GALC: variants seen among roughly 807,000 people sequenced by gnomAD.
GALC encodes the protein galactosylceramidase, also known as galactocerebrosidase.
GALC carries 77 observed loss-of-function variants against 91.8 expected under a neutral mutation model. That is an observed-to-expected ratio of 0.84 (90% CI 0.70 to 1.01). The LOEUF (loss-of-function observed/expected upper bound fraction) is 1.01. Among genes scored for constraint, GALC ranks in the 50% least tolerant of loss-of-function variants. GALC has a pLI of 0.00. For synonymous variants in GALC, 357 were observed against 306.7 expected (o/e 1.16, Z -1.71); for missense variants, 882 against 855.9 (o/e 1.03, Z -0.38).
intron 8 of GALC, among the ~76,000 whole-genome samples, chr14:87,967,691 GAATC>G (rs1488827587): frequency 2.0e-5 from 3 of 152,092 alleles, no homozygotes; most frequent in Non-Finnish European, 4.4e-5. Flanking sequence ...ATGCCATGAG[GAATC>G]AATCAGACAG....
rs116045454 is a variant in GALC, at chr14:87,966,774, C to T, written c.909-1145G>A. On this transcript the variant is annotated intron_variant, in intron 8 of 16. Coordinates refer to ENST00000261304, the MANE Select transcript of GALC (RefSeq NM_000153.4). ...TCTGACCATTCCATTTCTAAGAATA[C>T]AGCCTAAGAAAATAGTCATGGGCAT... 6.4e-3 allele frequency among the ~76,000 whole-genome samples: 976 copies of T among 152,262 alleles called. 12 individuals carry two copies. The highest frequency in any genetic ancestry group is 0.022 in the African/African-American group (929 of 41,546).
chr14:87,973,051 A>G (rs969818152), intron 7 of GALC, among the ~76,000 whole-genome samples: 4 of 152,162 alleles, frequency 2.6e-5, no homozygotes, highest in Admixed American at 1.3e-4. Context: ...GGAAAAGGAA[A>G]TATCTCTGGA....
chr14:87,945,880 T>C (rs1309907086), intron 13 of GALC, 147 bp from the exon 14 acceptor site: 2 of 635,898 alleles, frequency 3.1e-6, no homozygotes, highest in African/African-American at 3.7e-5. Flanking sequence ...CTAGGTCTAA[T>C]AAAGATACAT....
At position 87,934,751 on chromosome 14, in the gene GALC, A is replaced by G. The variant is rs201596265; in HGVS notation, c.2039T>C (p.Leu680Pro). The change falls in exon 17 of 17, where the codon CTT becomes CCT. Residue 680 changes from leucine to proline, a missense_variant. Coordinates refer to ENST00000261304, the MANE Select transcript of GALC (RefSeq NM_000153.4). ...SFEFAQFDNF[L>P]VEATR ...TAAGTATTAGCGTGTGGCTTCCACA[A>G]GAAAGTTGTCAAACTGTGCAAATTC... 5 of 1,613,130 alleles carry G rather than the reference A, an allele frequency of 3.1e-6. No homozygotes were observed. Among genetic ancestry groups the G allele is most frequent in the Non-Finnish European group, 2.5e-6 (3 of 1,179,428 alleles).
intron 16 of GALC, among the ~76,000 whole-genome samples, chr14:87,937,919 A>C (rs899527408): frequency 8.2e-6 from 1 of 122,610 alleles, no homozygotes; most frequent in Admixed American, 1.0e-4. Flanking sequence ...GGGGAAACAC[A>C]TTATTGTTAA....
Position 87,945,725 on chromosome 14 carries a change from A to T in GALC, c.1498T>A (p.Phe500Ile). 6.2e-7 allele frequency: 1 copy of T among 1,609,388 alleles called. No homozygotes were observed. The highest frequency in any genetic ancestry group is 2.2e-5 in the East Asian group (1 of 44,814). ...YKDDFNVDYPFFSEAPNFADQ... is the reference protein window; with the variant it reads ...YKDDFNVDYPIFSEAPNFADQ... Reference sequence around the variant, plus strand: ...GCAAAGTTTGGAGCTTCACTAAAAAATGGGTAATCTGTTCAGAATGTAAGA... The same window carrying T: ...GCAAAGTTTGGAGCTTCACTAAAAATTGGGTAATCTGTTCAGAATGTAAGA... Residue 500 changes from phenylalanine to isoleucine, a missense_variant, in exon 14 of 17, where the codon TTT (phenylalanine) becomes ATT (isoleucine). Coordinates refer to ENST00000261304, the MANE Select transcript of GALC (RefSeq NM_000153.4).
chr14:87,969,298 C>T (rs1886184850), intron 7 of GALC, among the ~76,000 whole-genome samples: 1 of 152,010 alleles, frequency 6.6e-6, no homozygotes, highest in Admixed American at 6.6e-5. Context: ...ACCCCTACAA[C>T]AAAAAAATTA....
intron 1 of GALC, among the ~76,000 whole-genome samples, chr14:87,991,354 T>C (rs55657127): frequency 0.11 from 17,196 of 152,126 alleles, 1,144 homozygotes; most frequent in Non-Finnish European, 0.16. Context: ...AGGCGCGTGC[T>C]ACCAAGACTG....
At chr14:87,975,117 C>T (rs1300792518) in intron 7 of GALC, among the ~76,000 whole-genome samples, 2 of 151,670 alleles carry the variant, frequency 1.3e-5, no homozygotes. Context: ...AAAAATTAAG[C>T]CTAAATCTAA....
rs765864490 is a variant in GALC at position 87,992,294 on chromosome 14, A to G, written c.195+676T>C. On this transcript the variant is annotated intron_variant, in intron 1 of 16. Coordinates refer to ENST00000261304, the MANE Select transcript of GALC (RefSeq NM_000153.4). Reference sequence around the variant, plus strand: ...TCGGATACAAAACCAAAAAACAAAAACCTTCTCACCCAAAGGTCGGCCACC... The same window carrying G: ...TCGGATACAAAACCAAAAAACAAAAGCCTTCTCACCCAAAGGTCGGCCACC... 5 of 1,535,392 alleles carry G rather than the reference A, an allele frequency of 3.3e-6. No individual in the cohort carries two copies. The African/African-American group carries it at 4.1e-5, about 13-fold the overall frequency.
Position 87,986,599 on chromosome 14 carries a change from C to T in GALC, c.332G>A (p.Gly111Asp), listed in dbSNP as rs746487628. ...ATAATGCATGTGGGAGGGCTCAGTG[C>T]CGTCTGAATAGAGGAGAGCAAAAAC... ...EIGGDGQTTD[G>D]TEPSHMHYAL... Residue 111 changes from glycine (G) to aspartate (D), a missense_variant, in exon 4 of 17, where the codon GGC (glycine) becomes GAC (aspartate). Coordinates refer to ENST00000261304, the MANE Select transcript of GALC (RefSeq NM_000153.4). The T allele has an allele frequency of 5.6e-6, 9 of 1,605,044 alleles. No individual in the cohort carries two copies. In the Admixed American group the frequency reaches 1.3e-4, roughly 24 times the overall value.
At chr14:87,969,431 T>C (rs1413848789) in intron 7 of GALC, among the ~76,000 whole-genome samples, 1 of 152,182 alleles carries the variant, frequency 6.6e-6, no homozygotes, top group East Asian at 1.9e-4. Context: ...TATTCATTAC[T>C]GCAAGAGTAA....
intron 3 of GALC, 80 bp from the exon 4 acceptor site, chr14:87,986,682 C>A (rs747991924): frequency 8.8e-6 from 7 of 791,760 alleles, no homozygotes; most frequent in Admixed American, 3.9e-5. Flanking sequence ...CACCCCCACC[C>A]CAGACACACA....
At chr14:87,949,607 G>A (rs1024453126) in intron 12 of GALC, among the ~76,000 whole-genome samples, 9 of 151,844 alleles carry the variant, frequency 5.9e-5, no homozygotes, top group Non-Finnish European at 1.0e-4. Context: ...GACCACTGGC[G>A]GGATACAGAG....
chr14:87,952,580 C>T lies in GALC; in HGVS notation c.1162-1832G>A, dbSNP rs1031553110. 23 of 1,201,748 alleles carry T rather than the reference C, an allele frequency of 1.9e-5. No individual in the cohort carries two copies. In the African/African-American group the frequency reaches 2.2e-4, roughly 12 times the overall value. 74.4% of individuals were successfully genotyped at this position (1,201,748 alleles called of 1,614,324 possible). A position where few individuals can be genotyped will look rare whatever the true frequency, so the allele number is the denominator to read the frequency against. The stretch of plus-strand genomic sequence containing the variant: ...CACAACACACAGTTTCTTTAATGTC[C>T]GTTGCTGACCCCCGGAAAAAAATTC... On this transcript the variant is annotated intron_variant, in intron 10 of 16. Coordinates refer to ENST00000261304, the MANE Select transcript of GALC (RefSeq NM_000153.4).
At chr14:87,965,297 A>C (rs957329725) in intron 9 of GALC, among the ~76,000 whole-genome samples, 22 of 151,992 alleles carry the variant, frequency 1.4e-4, no homozygotes, top group Non-Finnish European at 2.9e-5. Context: ...CCTCTCCTAC[A>C]CTTTTCTAAA....
intron 8 of GALC, among the ~76,000 whole-genome samples, chr14:87,967,218 A>G (rs1239317195): frequency 2.0e-5 from 3 of 152,262 alleles, no homozygotes; most frequent in Non-Finnish European, 4.4e-5. Context: ...ATTCTATAGT[A>G]TGGTCTCAAT....
rs147020960 is a variant in GALC, at chr14:87,961,075, G to A, written c.1161+2309C>T. 6.6e-3 allele frequency among the ~76,000 whole-genome samples: 1,005 copies of A among 152,038 alleles called. 15 individuals carry two copies. The highest frequency in any genetic ancestry group is 0.044 in the East Asian group (229 of 5,162). On this transcript the variant is annotated intron_variant, in intron 10 of 16. Transcript: ENST00000261304. ...TATCTGCAAATTATATTTCTGATAA[G>A]GAATTTTTATATAGAACAAAGAACA...
intron 13 of GALC, 28 bp downstream of exon 13, chr14:87,947,700 A>C (rs769995189): frequency 1.7e-5 from 28 of 1,602,770 alleles, no homozygotes; most frequent in Non-Finnish European, 2.4e-5. Flanking sequence ...TATAGAGACC[A>C]AGTTAAGTTT....
Sources: allele counts gnomAD v4.1 joint callset (sites outside exome capture counted in the v4.1 genomes callset), GRCh38; gene constraint gnomAD v4.1.1; transcripts MANE v1.5; gene names NCBI Gene and HGNC (gene_info 2026-07-23, HGNC 2026-07-21).